Variants in GABRA2 observed in about 807,000 individuals in gnomAD.
GABRA2 encodes the protein gamma-aminobutyric acid type A receptor subunit alpha2.
GABRA2 carries 16 observed loss-of-function variants against 48.7 expected under a neutral mutation model. The observed-to-expected ratio is 0.33, with a 90% CI of 0.22 to 0.50. The LOEUF is 0.50. Among genes scored for constraint, GABRA2 ranks in the 20% least tolerant of loss-of-function variants. GABRA2 has a pLI of 0.98. For synonymous variants in GABRA2, 185 were observed against 184.5 expected (o/e 1.00, Z -0.02); for missense variants, 275 against 535.6 (o/e 0.51, Z 4.80).
intron 4 of GABRA2, among the ~76,000 whole-genome samples, chr4:46,316,298 G>A (rs1009504008): frequency 3.9e-5 from 6 of 151,998 alleles, no homozygotes; most frequent in African/African-American, 1.2e-4. Flanking sequence ...TCCATTAAGT[G>A]TTAGTCAATA....
chr4:46,382,718 C>A (rs536219858), intron 3 of GABRA2, among the ~76,000 whole-genome samples: 1 of 152,100 alleles, frequency 6.6e-6, no homozygotes, highest in African/African-American at 2.4e-5. Context: ...GAATAAAATT[C>A]TATTATTCCC....
intron 8 of GABRA2, among the ~76,000 whole-genome samples, chr4:46,286,016 C>A (rs1054883964): frequency 1.3e-5 from 2 of 151,992 alleles, no homozygotes; most frequent in Non-Finnish European, 1.5e-5. Flanking sequence ...TTTATCCATT[C>A]ACAGTGTTCT....
At chr4:46,256,294 C>A in intron 9 of GABRA2, 1 of 695,814 alleles carries the variant, frequency 1.4e-6, no homozygotes, top group Non-Finnish European at 2.6e-6. Flanking sequence ...TATACTTGGA[C>A]CATATTAGCT....
At chr4:46,302,932 CT>C (rs1315984413) in intron 8 of GABRA2, among the ~76,000 whole-genome samples, 1 of 152,164 alleles carries the variant, frequency 6.6e-6, no homozygotes, top group East Asian at 1.9e-4. Context: ...CTTTTATAAA[CT>C]TTCCCCCAAC....
chr4:46,251,734 A>G lies in GABRA2; in HGVS notation c.1060-1130T>C, dbSNP rs985891176. 2.6e-5 allele frequency among the ~76,000 whole-genome samples: 4 copies of G among 151,460 alleles called. No homozygotes were observed. The Admixed American group carries it at 2.6e-4, about 10-fold the overall frequency. On this transcript the variant is annotated intron_variant, in intron 9 of 9. Coordinates refer to ENST00000381620, the MANE Select transcript of GABRA2 (RefSeq NM_000807.4). ...ATTACGATATTTTTCAAAATGTGTT[A>G]TTTCTTAGTCATGTGATTATTCGAC...
intron 4 of GABRA2, among the ~76,000 whole-genome samples, chr4:46,314,298 T>C (rs990842137): frequency 2.0e-5 from 3 of 152,214 alleles, no homozygotes; most frequent in Non-Finnish European, 4.4e-5. Flanking sequence ...TTTAACACTT[T>C]TTATAAAACT....
chr4:46,264,382 T>C (rs1717682014), intron 8 of GABRA2, among the ~76,000 whole-genome samples: 1 of 152,094 alleles, frequency 6.6e-6, no homozygotes, highest in African/African-American at 2.4e-5. Context: ...AGAGCAGACA[T>C]CTGTGTCTTA....
At chr4:46,339,983 C>T (rs916069738) in intron 3 of GABRA2, among the ~76,000 whole-genome samples, 2 of 151,840 alleles carry the variant, frequency 1.3e-5, no homozygotes, top group South Asian at 2.1e-4. Context: ...AAAATCATGG[C>T]ATTTACAGCC....
At chr4:46,284,869 C>T (rs573591727) in intron 8 of GABRA2, among the ~76,000 whole-genome samples, 13 of 151,772 alleles carry the variant, frequency 8.6e-5, no homozygotes, top group Admixed American at 2.6e-4. Context: ...TTACCCACAA[C>T]GTAAAGCTTT....
intron 8 of GABRA2, among the ~76,000 whole-genome samples, chr4:46,292,560 G>A (rs1274596607): frequency 2.0e-5 from 3 of 152,174 alleles, no homozygotes; most frequent in South Asian, 2.1e-4. Flanking sequence ...TGAATTTGTC[G>A]ATTTGGGCGC....
chr4:46,336,235 A>C (rs1257929477), intron 3 of GABRA2, among the ~76,000 whole-genome samples: 1 of 152,188 alleles, frequency 6.6e-6, no homozygotes, highest in Non-Finnish European at 1.5e-5. Context: ...AACTTTAAAA[A>C]TGGTCATGCA....
At chr4:46,328,803 T>C (rs1578068459) in intron 4 of GABRA2, among the ~76,000 whole-genome samples, 1 of 152,192 alleles carries the variant, frequency 6.6e-6, no homozygotes, top group East Asian at 1.9e-4. Context: ...TTGCTCAACC[T>C]ATTGCTCCAT....
At chr4:46,345,330 G>T (rs1272787528) in intron 3 of GABRA2, among the ~76,000 whole-genome samples, 1 of 151,842 alleles carries the variant, frequency 6.6e-6, no homozygotes, top group Non-Finnish European at 1.5e-5. Flanking sequence ...GACCAATTTA[G>T]TATCTAGTGT....
intron 4 of GABRA2, among the ~76,000 whole-genome samples, chr4:46,324,054 A>C (rs183181023): frequency 6.6e-6 from 1 of 151,934 alleles, no homozygotes; most frequent in Non-Finnish European, 1.5e-5. Context: ...TCCTCTCTTC[A>C]ACCACGCTGC....
chr4:46,352,074 G>T (rs760246171), intron 3 of GABRA2, among the ~76,000 whole-genome samples: 13 of 151,744 alleles, frequency 8.6e-5, no homozygotes, highest in Non-Finnish European at 7.4e-5. Context: ...GGCAGCTATG[G>T]TACAACCCCA....
chr4:46,340,084 C>G (rs1253732738), intron 3 of GABRA2, among the ~76,000 whole-genome samples: 4 of 151,822 alleles, frequency 2.6e-5, no homozygotes, highest in Non-Finnish European at 4.4e-5. Context: ...AATCTCTTCT[C>G]AAAGATAGGC....
intron 4 of GABRA2, among the ~76,000 whole-genome samples, 181 bp from the exon 5 acceptor site, chr4:46,312,897 T>TAA (rs1297684801): frequency 6.6e-6 from 1 of 152,088 alleles, no homozygotes; most frequent in Non-Finnish European, 1.5e-5. Context: ...TACAATGGGA[T>TAA]AAAGTACGTC....
chr4:46,357,788 G>C (rs1307154193), intron 3 of GABRA2, among the ~76,000 whole-genome samples: 1 of 150,734 alleles, frequency 6.6e-6, no homozygotes, highest in African/African-American at 2.4e-5. Context: ...AGCCTCCCGA[G>C]TAGCTGGGAC....
In GABRA2 at chr4:46,253,241, C is replaced by T. The variant is rs542877726; in HGVS notation, c.1060-2637G>A. On this transcript the variant is annotated intron_variant, in intron 9 of 9. Coordinates refer to ENST00000381620, the MANE Select transcript of GABRA2 (RefSeq NM_000807.4). ...AATTTTAACCAATATTTTCTTGCCCCTCACTTGAATACCCTTCAGTTGCAC... is the reference window on the plus strand; with the variant it reads ...AATTTTAACCAATATTTTCTTGCCCTTCACTTGAATACCCTTCAGTTGCAC... Among the ~76,000 whole-genome samples, 17 of 151,494 alleles carry T rather than the reference C, an allele frequency of 1.1e-4. 1 individual carries two copies. Among genetic ancestry groups the T allele is most frequent in the Admixed American group, 5.3e-4 (8 of 15,130 alleles).
Sources: allele counts gnomAD v4.1 joint callset (sites outside exome capture counted in the v4.1 genomes callset), GRCh38; gene constraint gnomAD v4.1.1; transcripts MANE v1.5; gene names NCBI Gene and HGNC (gene_info 2026-07-23, HGNC 2026-07-21).